KBTBD12: variants seen among roughly 807,000 people sequenced by gnomAD.
KBTBD12 encodes kelch repeat and BTB domain containing 12, also known as kelch repeat and BTB domain-containing protein 12.
KBTBD12 carries 53 observed loss-of-function variants against 58.7 expected under a neutral mutation model. The ratio of observed to expected loss-of-function variants is 0.90; its 90% CI spans 0.72 to 1.14. KBTBD12 has a LOEUF of 1.14. Ranked by LOEUF, KBTBD12 falls within the 50% of genes most tolerant of loss-of-function variation. KBTBD12 has a pLI of 0.00. For synonymous variants in KBTBD12, 236 were observed against 259.8 expected (o/e 0.91, Z 0.88); for missense variants, 704 against 751.3 (o/e 0.94, Z 0.74).
chr3:127,983,040 G>T (rs956023150), intron 5 of KBTBD12, among the ~76,000 whole-genome samples: 12 of 152,202 alleles, frequency 7.9e-5, no homozygotes, highest in Non-Finnish European at 1.6e-4. Context: ...CTCCTCTATG[G>T]GGGTGGAAAT....
chr3:127,963,605 CTA>C, intron 5 of KBTBD12: 2 of 479,942 alleles, frequency 4.2e-6, no homozygotes. Context: ...TAAATGGAAT[CTA>C]GTTTACGGCC....
intron 4 of KBTBD12, among the ~76,000 whole-genome samples, chr3:127,950,349 C>T (rs764080320): frequency 7.9e-5 from 12 of 151,894 alleles, no homozygotes; most frequent in Non-Finnish European, 1.6e-4. Flanking sequence ...GATTAATGGA[C>T]GAAAATAGTT....
intron 4 of KBTBD12, among the ~76,000 whole-genome samples, chr3:127,932,748 C>T (rs934624515): frequency 6.6e-6 from 1 of 152,030 alleles, no homozygotes; most frequent in African/African-American, 2.4e-5. Flanking sequence ...GATTGCCTAC[C>T]TCTTTGAGAT....
intron 4 of KBTBD12, among the ~76,000 whole-genome samples, chr3:127,935,777 G>A (rs570437065): frequency 5.3e-5 from 8 of 152,020 alleles, no homozygotes; most frequent in African/African-American, 1.7e-4. Context: ...TAATCAAAAG[G>A]CAAAGATTTT....
chr3:127,927,863 AGG>A lies in KBTBD12; in HGVS notation c.1171_1172del (p.Gly391ArgfsTer6), dbSNP rs1939612942. 6.2e-7 allele frequency: 1 copy of A among 1,613,018 alleles called. No homozygotes were observed. Among genetic ancestry groups the A allele is most frequent in the Admixed American group, 1.7e-5 (1 of 59,998 alleles). On this transcript the variant is annotated frameshift_variant, in exon 3 of 6. Coordinates refer to ENST00000405109, the MANE Select transcript of KBTBD12 (RefSeq NM_207335.4). LOFTEE classifies it high-confidence loss of function. Reference protein sequence around the residue: ...GSIHNDLYVIGGQMKIKNQYL... With the variant: ...GSIHNDLYVIXGQMKIKNQYL... Reference sequence around the variant, plus strand: ...GTATTCATAATGACCTTTATGTTATAGGAGGACAGATGAAAATTAAAAACCAG... The same window carrying A: ...GTATTCATAATGACCTTTATGTTATAAGGACAGATGAAAATTAAAAACCAG...
rs1469663420 is a variant in KBTBD12, at chr3:127,924,090, TA to T, written c.1032del (p.Lys344AsnfsTer47). 3 of 1,613,296 alleles carry T rather than the reference TA, an allele frequency of 1.9e-6. No individual in the cohort carries two copies. In the African/African-American group the frequency reaches 4.0e-5, roughly 22 times the overall value. On this transcript the variant is annotated frameshift_variant, in exon 2 of 6. Transcript: ENST00000405109. LOFTEE classifies it high-confidence loss of function. ...IIVAGEASAS[K>X]LSRQKNKNVE... is the part of the protein sequence containing the mutation. ...TTGTGGCTGGAGAAGCAAGTGCCTCTAAACTCTCTAGACAAAAGAACAAGAA... is the reference window on the plus strand; with the variant it reads ...TTGTGGCTGGAGAAGCAAGTGCCTCTAACTCTCTAGACAAAAGAACAAGAA...
intron 4 of KBTBD12, among the ~76,000 whole-genome samples, chr3:127,950,088 C>T (rs1321695210): frequency 6.6e-6 from 1 of 152,114 alleles, no homozygotes; most frequent in African/African-American, 2.4e-5. Flanking sequence ...TGTAATGTGA[C>T]TTTTATTACT....
chr3:127,948,965 G>A (rs756107113), intron 4 of KBTBD12, among the ~76,000 whole-genome samples: 5 of 152,258 alleles, frequency 3.3e-5, no homozygotes, highest in Non-Finnish European at 5.9e-5. Flanking sequence ...CATATAATAA[G>A]TGCTCAATAA....
At position 127,945,164 on chromosome 3, in the gene KBTBD12, C is replaced by CTTTTTTTTTTTTTTTTTT. The variant is rs56216317; in HGVS notation, c.1492+14902_1492+14919dup. On this transcript the variant is annotated intron_variant, in intron 4 of 5. Transcript: ENST00000405109. ...TGTTTTTTTTAAAAATAGTAGCTAT[C>CTTTTTTTTTTTTTTTTTT]TTTTTTTTTTTTTTTTTTTTTTTTT... Among the ~76,000 whole-genome samples the CTTTTTTTTTTTTTTTTTT allele has an allele frequency of 2.1e-4, 6 of 28,770 alleles. 3 individuals are homozygous for CTTTTTTTTTTTTTTTTTT. Among genetic ancestry groups the CTTTTTTTTTTTTTTTTTT allele is most frequent in the Non-Finnish European group, 4.1e-4 (6 of 14,564 alleles). 18.9% of individuals were successfully genotyped at this position (28,770 alleles called of 152,430 possible).
At chr3:127,918,896 C>T (rs1034884879) in intron 1 of KBTBD12, among the ~76,000 whole-genome samples, 1 of 152,022 alleles carries the variant, frequency 6.6e-6, no homozygotes, top group Admixed American at 6.5e-5. Flanking sequence ...AAAACAGGCC[C>T]GGGATATTTT....
At chr3:127,945,385 C>G (rs1220695482) in intron 4 of KBTBD12, among the ~76,000 whole-genome samples, 2 of 150,940 alleles carry the variant, frequency 1.3e-5, no homozygotes, top group Non-Finnish European at 3.0e-5. Flanking sequence ...AGGGTTTCAC[C>G]CTGTTAGCCA....
At position 127,915,275 on chromosome 3, in the gene KBTBD12, C is replaced by T. The variant is rs533358998; in HGVS notation, c.-424C>T. The T allele has an allele frequency of 6.6e-6, 1 of 152,284 alleles. No homozygotes were observed. Among genetic ancestry groups the T allele is most frequent in the Non-Finnish European group, 1.5e-5 (1 of 68,124 alleles). 9.4% of individuals were successfully genotyped at this position (152,284 alleles called of 1,614,324 possible). ...CGCGGGGAGACCCTGTGCAGCGACA[C>T]CGGGGCTGTAGTCGCCGTCTGGAAC... On this transcript the variant is annotated 5_prime_UTR_variant, in exon 1 of 6. Coordinates refer to ENST00000405109, the MANE Select transcript of KBTBD12 (RefSeq NM_207335.4).
In KBTBD12 at chr3:127,930,197, A is replaced by G. The variant is rs1211788666; in HGVS notation, c.1406A>G (p.Gln469Arg). 6.2e-7 allele frequency: 1 copy of G among 1,607,586 alleles called. No individual in the cohort carries two copies. Residue 469 changes from glutamine to arginine, a missense_variant, in exon 4 of 6, where the codon CAA becomes CGA. Physicochemically the swap from Gln to Arg is conservative, Grantham distance 43. Transcript: ENST00000405109. ...AAACTGTTGCAGTATGACCCCAGCC[A>G]AGATCAATGGAGTGTGCGGGCACCC... ...SNKLLQYDPSQDQWSVRAPMK... is the reference protein window; with the variant it reads ...SNKLLQYDPSRDQWSVRAPMK...
chr3:127,923,586 C>T lies in KBTBD12; in HGVS notation c.525C>T (p.His175=), dbSNP rs937313213. The change falls in exon 2 of 6, where the codon CAC becomes CAT. Residue 175 remains histidine (H), a synonymous_variant. Coordinates refer to ENST00000405109, the MANE Select transcript of KBTBD12 (RefSeq NM_207335.4). ...AAGAAATACTAGAAATCGAAGTGCA[C>T]CAATTTTTGACACTTATTAAATCAG... ...LHEEILEIEV[H]QFLTLIKSDD... is the part of the protein sequence containing the mutation. The T allele has an allele frequency of 6.2e-7, 1 of 1,613,480 alleles. No homozygotes were observed. Among genetic ancestry groups the T allele is most frequent in the Admixed American group, 1.7e-5 (1 of 59,900 alleles).
intron 5 of KBTBD12, among the ~76,000 whole-genome samples, chr3:127,967,241 C>T (rs938002050): frequency 6.6e-6 from 1 of 152,052 alleles, no homozygotes; most frequent in Non-Finnish European, 1.5e-5. Context: ...AGAATGGAGC[C>T]GGTCAAAGGG....
chr3:127,959,511 T>C (rs1306922090), intron 4 of KBTBD12, among the ~76,000 whole-genome samples: 1 of 152,140 alleles, frequency 6.6e-6, no homozygotes, highest in Non-Finnish European at 1.5e-5. Flanking sequence ...TAGCAAATAA[T>C]TAAATTGAGA....
chr3:127,930,083 A>G, intron 3 of KBTBD12, 50 bp from the exon 4 acceptor site: 9 of 1,507,578 alleles, frequency 6.0e-6, no homozygotes, highest in Non-Finnish European at 8.1e-6. Flanking sequence ...ATGTACTCAC[A>G]AAGATTGCTA....
chr3:127,983,970 C>G, intron 5 of KBTBD12, 127 bp from the exon 6 acceptor site: 2 of 715,520 alleles, frequency 2.8e-6, no homozygotes, highest in Admixed American at 4.9e-5. Flanking sequence ...CCTGGGTATT[C>G]TGTTAACAGT....
chr3:127,923,412 C>T lies in KBTBD12; in HGVS notation c.351C>T (p.Phe117=). The T allele has an allele frequency of 6.2e-7, 1 of 1,612,946 alleles. No homozygotes were observed. Among genetic ancestry groups the T allele is most frequent in the Non-Finnish European group, 8.5e-7 (1 of 1,179,778 alleles). ...ATTTTATGCAGATGGAAGAAGTCTT[C>T]AGTGTGTGTCAAAAATATATGATGG... ...AAYFMQMEEV[F]SVCQKYMMDH... is the part of the protein sequence containing the mutation. The change falls in exon 2 of 6, where the codon TTC becomes TTT. Residue 117 remains phenylalanine, a synonymous_variant. Transcript: ENST00000405109.
Sources: allele counts gnomAD v4.1 joint callset (sites outside exome capture counted in the v4.1 genomes callset), GRCh38; gene constraint gnomAD v4.1.1; transcripts MANE v1.5; gene names NCBI Gene and HGNC (gene_info 2026-07-23, HGNC 2026-07-21).